GPC5: variants seen among roughly 807,000 people sequenced by gnomAD.
GPC5 encodes glypican 5, also known as glypican-5.
GPC5 carries 47 observed loss-of-function variants against 53.9 expected under a neutral mutation model. The ratio of observed to expected loss-of-function variants is 0.87; its 90% CI spans 0.69 to 1.11. GPC5 has a LOEUF of 1.11. Ranked by LOEUF, GPC5 falls within the 50% of genes most tolerant of loss-of-function variation. GPC5 has a pLI of 0.00. For synonymous variants in GPC5, 286 were observed against 263.3 expected, an observed-to-expected ratio of 1.09 and a Z score of -0.84; for missense variants, 748 against 713.1, an observed-to-expected ratio of 1.05 and a Z score of -0.56.
At chr13:92,124,351 G>A (rs1341399279) in intron 6 of GPC5, among the ~76,000 whole-genome samples, 1 of 151,660 alleles carries the variant, frequency 6.6e-6, no homozygotes, top group African/African-American at 2.4e-5. Context: ...ACTGTTTTGA[G>A]CAGGGAAGTC....
intron 5 of GPC5, among the ~76,000 whole-genome samples, chr13:91,866,017 G>A (rs568500400): frequency 6.6e-6 from 1 of 152,284 alleles, no homozygotes; most frequent in East Asian, 1.9e-4. Flanking sequence ...ATAGGCATGT[G>A]CCACCATGTC....
At chr13:92,046,849 G>A (rs770600727) in intron 6 of GPC5, among the ~76,000 whole-genome samples, 30 of 152,150 alleles carry the variant, frequency 2.0e-4, no homozygotes, top group Admixed American at 3.9e-4. Flanking sequence ...TCTTTATAAT[G>A]CATTCGTGTA....
chr13:92,785,659 C>G (rs758988020), intron 7 of GPC5, among the ~76,000 whole-genome samples: 3 of 152,150 alleles, frequency 2.0e-5, no homozygotes, highest in Non-Finnish European at 4.4e-5. Context: ...TTGCACCATT[C>G]ATTTGCTTAG....
intron 5 of GPC5, among the ~76,000 whole-genome samples, chr13:91,857,260 T>G (rs1000773683): frequency 1.3e-5 from 2 of 151,316 alleles, no homozygotes; most frequent in East Asian, 3.9e-4. Context: ...TAAAACAACT[T>G]ATCAGTTTCT....
chr13:92,353,229 C>T (rs1416181920), intron 7 of GPC5, among the ~76,000 whole-genome samples: 4 of 139,776 alleles, frequency 2.9e-5, no homozygotes, highest in Non-Finnish European at 4.6e-5. Context: ...CACTGCAGTC[C>T]GCAGTCTGGC....
At chr13:91,737,521 TG>T (rs2140052285) in intron 4 of GPC5, among the ~76,000 whole-genome samples, 1 of 151,510 alleles carries the variant, frequency 6.6e-6, no homozygotes, top group South Asian at 2.1e-4. Flanking sequence ...AAATAGGAAT[TG>T]TAAAATCCAT....
At chr13:92,711,530 A>G (rs1888139863) in intron 7 of GPC5, among the ~76,000 whole-genome samples, 1 of 152,138 alleles carries the variant, frequency 6.6e-6, no homozygotes, top group South Asian at 2.1e-4. Context: ...CTGTCTCACT[A>G]ATCGATAGAA....
intron 7 of GPC5, among the ~76,000 whole-genome samples, chr13:92,371,609 G>A (rs1178236824): frequency 6.6e-6 from 1 of 152,178 alleles, no homozygotes; most frequent in Admixed American, 6.5e-5. Flanking sequence ...CATGGTGGAA[G>A]GTGAGAGAGA....
At chr13:91,739,821 G>C (rs2036892004) in intron 4 of GPC5, among the ~76,000 whole-genome samples, 1 of 151,428 alleles carries the variant, frequency 6.6e-6, no homozygotes, top group African/African-American at 2.5e-5. Flanking sequence ...ATTGTAGAAG[G>C]GGACTATGCA....
At chr13:92,257,546 A>ATTTTTTGTTTTTTTTTTTTTTTTTTTTTT (rs2042735241) in intron 7 of GPC5, among the ~76,000 whole-genome samples, 1 of 72,966 alleles carries the variant, frequency 1.4e-5, no homozygotes, top group African/African-American at 7.7e-5. Flanking sequence ...TAATACAGGG[A>ATTTTTTGTTTTTTTTTTTTTTTTTTTTTT]TTTTTTTTTT....
In GPC5 at chr13:91,591,392, G is replaced by A. The variant is rs553758638; in HGVS notation, c.326-101795G>A. Reference sequence around the variant, plus strand: ...GACTTTTTCTTTTGTGTTGACCTTCGTGAATCTGATGACTATGTGCCTTGG... The same window carrying A: ...GACTTTTTCTTTTGTGTTGACCTTCATGAATCTGATGACTATGTGCCTTGG... On this transcript the variant is annotated intron_variant, in intron 2 of 7. Transcript: ENST00000377067. Among the ~76,000 whole-genome samples the A allele has an allele frequency of 5.9e-5, 9 of 152,142 alleles. No homozygotes were observed. In the East Asian group the frequency reaches 1.2e-3, roughly 20 times the overall value.
chr13:91,933,522 T>C (rs1433872391), intron 6 of GPC5, among the ~76,000 whole-genome samples: 1 of 151,968 alleles, frequency 6.6e-6, no homozygotes, highest in African/African-American at 2.4e-5. Flanking sequence ...CATACTATTT[T>C]ATGTATTCAT....
At chr13:91,832,947 A>G (rs2038679695) in intron 5 of GPC5, among the ~76,000 whole-genome samples, 1 of 152,180 alleles carries the variant, frequency 6.6e-6, no homozygotes, top group African/African-American at 2.4e-5. Context: ...AAATCAATGA[A>G]TCCAGGACCT....
chr13:91,486,999 T>C (rs1158538763), intron 2 of GPC5: 3 of 152,158 alleles, frequency 2.0e-5, no homozygotes, highest in Non-Finnish European at 4.4e-5. Context: ...GAATTGAAGC[T>C]TGTATGGGGT....
intron 7 of GPC5, among the ~76,000 whole-genome samples, chr13:92,834,908 T>A (rs1252063017): frequency 5.3e-5 from 8 of 152,090 alleles, no homozygotes; most frequent in Non-Finnish European, 1.0e-4. Context: ...CCTTGGCACA[T>A]CTTCTATTGT....
intron 2 of GPC5, among the ~76,000 whole-genome samples, chr13:91,665,315 T>C (rs1414844451): frequency 2.0e-5 from 3 of 152,234 alleles, no homozygotes; most frequent in African/African-American, 7.2e-5. Context: ...ATGACTATCA[T>C]ATAGAAATTA....
intron 7 of GPC5, among the ~76,000 whole-genome samples, chr13:92,504,689 T>G (rs1020123444): frequency 2.0e-5 from 3 of 151,884 alleles, no homozygotes; most frequent in Non-Finnish European, 4.4e-5. Context: ...CACACAAATA[T>G]GGACAAGTTT....
intron 6 of GPC5, among the ~76,000 whole-genome samples, chr13:92,100,021 A>G (rs1158915346): frequency 6.6e-6 from 1 of 152,176 alleles, no homozygotes; most frequent in African/African-American, 2.4e-5. Flanking sequence ...GGAGAGAACC[A>G]TGTGGCAAGG....
intron 1 of GPC5, among the ~76,000 whole-genome samples, chr13:91,441,389 G>A (rs1235182165): frequency 6.6e-6 from 1 of 152,160 alleles, no homozygotes; most frequent in Non-Finnish European, 1.5e-5. Context: ...GAATGGTTTG[G>A]CATGCTATTA....
Sources: allele counts gnomAD v4.1 joint callset (sites outside exome capture counted in the v4.1 genomes callset), GRCh38; gene constraint gnomAD v4.1.1; transcripts MANE v1.5; gene names NCBI Gene and HGNC (gene_info 2026-07-23, HGNC 2026-07-21).